The following CCDC91 variants were observed in gnomAD, a reference collection of about 807,000 sequenced individuals.
CCDC91 encodes coiled-coil domain containing 91, also known as coiled-coil domain-containing protein 91.
Under a neutral mutation model 63.2 loss-of-function variants are expected in CCDC91, and 48 were observed. The observed-to-expected ratio is 0.76, with a 90% CI of 0.60 to 0.97. CCDC91 has a LOEUF of 0.97. CCDC91 is among the 50% of genes least tolerant of loss of function. The pLI, the probability that CCDC91 is intolerant of heterozygous loss-of-function variation, is 0.00. For synonymous variants in CCDC91, 167 were observed against 165.8 expected (o/e 1.01, Z -0.06); for missense variants, 500 against 494.6 (o/e 1.01, Z -0.10).
chr12:28,267,783 T>A (rs1338650036), intron 3 of CCDC91, among the ~76,000 whole-genome samples: 1 of 66,036 alleles, frequency 1.5e-5, no homozygotes, highest in African/African-American at 5.3e-5. Flanking sequence ...ATTATTAATA[T>A]ATAATTATAT....
At chr12:28,533,724 C>T (rs1941929166) in intron 12 of CCDC91, among the ~76,000 whole-genome samples, 1 of 151,804 alleles carries the variant, frequency 6.6e-6, no homozygotes, top group South Asian at 2.1e-4. Flanking sequence ...ATTTATCATG[C>T]TCCTCTTCTC....
chr12:28,414,650 C>T (rs929713540), intron 8 of CCDC91, among the ~76,000 whole-genome samples: 2 of 152,122 alleles, frequency 1.3e-5, no homozygotes, highest in African/African-American at 4.8e-5. Context: ...ATTTGAGTAT[C>T]AGTCATTACA....
intron 7 of CCDC91, among the ~76,000 whole-genome samples, chr12:28,388,630 C>T (rs1183392483): frequency 6.6e-6 from 1 of 152,150 alleles, no homozygotes; most frequent in African/African-American, 2.4e-5. Context: ...GGAAATACAT[C>T]CCATGCTCGT....
At chr12:28,374,071 G>A (rs558611582) in intron 7 of CCDC91, among the ~76,000 whole-genome samples, 5 of 152,190 alleles carry the variant, frequency 3.3e-5, no homozygotes, top group East Asian at 3.9e-4. Context: ...ATGTGAGAAC[G>A]AACTAATACA....
intron 3 of CCDC91, among the ~76,000 whole-genome samples, chr12:28,259,750 T>A (rs1232973195): frequency 6.6e-6 from 1 of 151,912 alleles, no homozygotes; most frequent in Non-Finnish European, 1.5e-5. Flanking sequence ...CTTTTTTAGG[T>A]TGTCCAGTTC....
intron 6 of CCDC91, among the ~76,000 whole-genome samples, chr12:28,312,314 A>G (rs1454294254): frequency 6.6e-6 from 1 of 151,938 alleles, no homozygotes; most frequent in African/African-American, 2.4e-5. Context: ...ATAAATCTCT[A>G]TATCTGCTTT....
chr12:28,443,401 A>G (rs1466044920), intron 8 of CCDC91, among the ~76,000 whole-genome samples: 1 of 152,068 alleles, frequency 6.6e-6, no homozygotes, highest in Non-Finnish European at 1.5e-5. Context: ...CTCCATTGGC[A>G]TCTGTAATAA....
At chr12:28,516,955 C>T (rs1481148725) in intron 12 of CCDC91, among the ~76,000 whole-genome samples, 2 of 151,914 alleles carry the variant, frequency 1.3e-5, no homozygotes, top group Non-Finnish European at 2.9e-5. Flanking sequence ...CAGATGCCCA[C>T]TAGTCAGTCA....
intron 11 of CCDC91, among the ~76,000 whole-genome samples, chr12:28,480,525 CAAAT>C (rs1201780129): frequency 3.3e-5 from 5 of 151,980 alleles, no homozygotes; most frequent in African/African-American, 4.8e-5. Context: ...ACATATTTGA[CAAAT>C]GAATGTATGA....
At chr12:28,372,823 C>A (rs1306416745) in intron 7 of CCDC91, among the ~76,000 whole-genome samples, 2 of 152,130 alleles carry the variant, frequency 1.3e-5, no homozygotes, top group Non-Finnish European at 2.9e-5. Flanking sequence ...CACTTTATTT[C>A]TTTCTCTTGT....
chr12:28,532,543 C>T (rs1455622120), intron 12 of CCDC91, among the ~76,000 whole-genome samples: 2 of 151,716 alleles, frequency 1.3e-5, no homozygotes, highest in East Asian at 1.9e-4. Context: ...GGGATGAATA[C>T]AAAAGTTTAA....
chr12:28,547,770 GT>G lies in CCDC91; in HGVS notation c.1216-1290del, dbSNP rs57855652. On this transcript the variant is annotated intron_variant, in intron 12 of 12. Transcript: ENST00000536442. ...GCATTTTGCTAAATATAGTGATTCT[GT>G]TTGTTTAATTCTTAGAATATTTCAA... 5.2e-3 allele frequency among the ~76,000 whole-genome samples: 798 copies of G among 152,142 alleles called. 7 individuals carry two copies. The Middle Eastern group carries it at 0.061, about 12-fold the overall frequency.
intron 3 of CCDC91, among the ~76,000 whole-genome samples, chr12:28,295,713 G>C (rs1949524471): frequency 6.6e-6 from 1 of 151,930 alleles, no homozygotes; most frequent in Admixed American, 6.6e-5. Context: ...TCTTAAGTGT[G>C]TCATTATGTT....
intron 4 of CCDC91, among the ~76,000 whole-genome samples, chr12:28,306,248 G>T (rs1212490568): frequency 6.6e-6 from 1 of 152,024 alleles, no homozygotes; most frequent in African/African-American, 2.4e-5. Context: ...TTTAAAGCAA[G>T]AATTTATGCT....
chr12:28,362,355 G>A (rs2138572456), intron 6 of CCDC91, 83 bp from the exon 7 acceptor site: 1 of 876,144 alleles, frequency 1.1e-6, no homozygotes, highest in East Asian at 2.7e-5. Flanking sequence ...ATCATTCGTG[G>A]AAGCAGCAAA....
chr12:28,516,291 G>A (rs992792834), intron 12 of CCDC91, among the ~76,000 whole-genome samples: 1 of 151,888 alleles, frequency 6.6e-6, no homozygotes, highest in African/African-American at 2.4e-5. Flanking sequence ...CTAAGACTGA[G>A]TAATTTGTAA....
chr12:28,353,568 C>T (rs1943323751), intron 6 of CCDC91, among the ~76,000 whole-genome samples: 1 of 152,042 alleles, frequency 6.6e-6, no homozygotes, highest in Non-Finnish European at 1.5e-5. Flanking sequence ...TATTAATTGG[C>T]CTGACTTCAA....
chr12:28,480,748 A>G (rs560784569), intron 11 of CCDC91, among the ~76,000 whole-genome samples: 1 of 152,136 alleles, frequency 6.6e-6, no homozygotes, highest in Non-Finnish European at 1.5e-5. Flanking sequence ...TTAAACAACC[A>G]CATAGTACTA....
intron 6 of CCDC91, among the ~76,000 whole-genome samples, chr12:28,315,086 C>A (rs1474783494): frequency 6.6e-6 from 1 of 151,446 alleles, no homozygotes; most frequent in African/African-American, 2.4e-5. Flanking sequence ...TTATTCAAAC[C>A]AAACAGGTAG....
Sources: allele counts gnomAD v4.1 joint callset (sites outside exome capture counted in the v4.1 genomes callset), GRCh38; gene constraint gnomAD v4.1.1; transcripts MANE v1.5; gene names NCBI Gene and HGNC (gene_info 2026-07-23, HGNC 2026-07-21).